RBMS3: variants seen among roughly 807,000 people sequenced by gnomAD.
RBMS3 encodes the protein RNA binding motif single stranded interacting protein 3, also known as RNA-binding motif, single-stranded-interacting protein 3.
In RBMS3, 27 loss-of-function variants were observed where a neutral mutation model predicts 66.8. That is an observed-to-expected ratio of 0.40 (90% CI 0.30 to 0.56). The LOEUF (loss-of-function observed/expected upper bound fraction) is 0.56, where lower values mean the gene tolerates loss of function less well. RBMS3 is among the 20% of genes least tolerant of loss of function. The probability of loss-of-function intolerance (pLI) is 0.40; values close to 1 mark genes in which losing one functional copy is unlikely to be tolerated. For missense variants in RBMS3, 513 were observed against 549.5 expected (o/e 0.93, Z 0.66); for synonymous variants, 188 against 183.0 (o/e 1.03, Z -0.22).
intron 6 of RBMS3, among the ~76,000 whole-genome samples, chr3:29,798,929 G>GTTTTTT (rs368923260): frequency 3.9e-5 from 5 of 127,662 alleles, no homozygotes; most frequent in African/African-American, 5.9e-5. Context: ...GTACCCTCTG[G>GTTTTTT]TTTTTTTTTT....
intron 3 of RBMS3, among the ~76,000 whole-genome samples, chr3:29,492,836 G>A (rs755207166): frequency 5.3e-5 from 8 of 152,178 alleles, no homozygotes; most frequent in Non-Finnish European, 1.2e-4. Context: ...TGCAGTGATA[G>A]TTTATAACCC....
intron 6 of RBMS3, among the ~76,000 whole-genome samples, chr3:29,825,109 C>T (rs1333224477): frequency 6.6e-6 from 1 of 150,806 alleles, no homozygotes; most frequent in Non-Finnish European, 1.5e-5. Context: ...GATCTCAGCT[C>T]ACTGTAACCT....
At chr3:29,936,880 A>C (rs2061279779) in intron 11 of RBMS3, among the ~76,000 whole-genome samples, 1 of 152,182 alleles carries the variant, frequency 6.6e-6, no homozygotes, top group Admixed American at 6.6e-5. Context: ...TTAAAAGATA[A>C]TTCCCCAAAT....
intron 6 of RBMS3, among the ~76,000 whole-genome samples, chr3:29,780,371 A>G (rs1486856909): frequency 6.6e-6 from 1 of 151,606 alleles, no homozygotes; most frequent in Non-Finnish European, 1.5e-5. Flanking sequence ...TGCTTTCTAT[A>G]TTGAGAATAT....
chr3:29,339,994 AC>A (rs2036187305), intron 1 of RBMS3, among the ~76,000 whole-genome samples: 1 of 152,130 alleles, frequency 6.6e-6, no homozygotes, highest in Non-Finnish European at 1.5e-5. Flanking sequence ...GTGCAAAAAC[AC>A]CAAGTTGGGG....
chr3:29,890,782 C>T (rs1403237169), intron 8 of RBMS3, among the ~76,000 whole-genome samples: 1 of 151,466 alleles, frequency 6.6e-6, no homozygotes, highest in African/African-American at 2.4e-5. Flanking sequence ...CACAAGAAAG[C>T]ATGATGGTGA....
At chr3:29,420,497 C>G (rs1321995117) in intron 1 of RBMS3, among the ~76,000 whole-genome samples, 1 of 152,036 alleles carries the variant, frequency 6.6e-6, no homozygotes, top group East Asian at 1.9e-4. Flanking sequence ...TTAAATTCTC[C>G]GAAATGACGT....
chr3:29,301,045 A>G (rs2033636842), intron 1 of RBMS3, among the ~76,000 whole-genome samples: 1 of 151,972 alleles, frequency 6.6e-6, no homozygotes, highest in African/African-American at 2.4e-5. Flanking sequence ...ATGACTCTAA[A>G]AATAAAGACA....
At chr3:29,569,906 G>T (rs2046887423) in intron 3 of RBMS3, among the ~76,000 whole-genome samples, 1 of 152,040 alleles carries the variant, frequency 6.6e-6, no homozygotes, top group South Asian at 2.1e-4. Flanking sequence ...GAAAGGGTTA[G>T]GCAATTGGAA....
chr3:29,429,370 C>A (rs1280237197), intron 1 of RBMS3, among the ~76,000 whole-genome samples: 1 of 152,144 alleles, frequency 6.6e-6, no homozygotes, highest in Admixed American at 6.5e-5. Context: ...AGGACATTGG[C>A]ACTGATCCTC....
chr3:29,980,627 G>T (rs1320302141), intron 12 of RBMS3, among the ~76,000 whole-genome samples: 1 of 152,070 alleles, frequency 6.6e-6, no homozygotes, highest in African/African-American at 2.4e-5. Context: ...TAAGGAGGGG[G>T]TCCAGTTTCA....
At chr3:29,493,078 T>G (rs2043610941) in intron 3 of RBMS3, among the ~76,000 whole-genome samples, 1 of 152,194 alleles carries the variant, frequency 6.6e-6, no homozygotes, top group African/African-American at 2.4e-5. Flanking sequence ...CTTTGAGCAC[T>G]CTCGTTTTCC....
Position 30,008,147 on chromosome 3 carries a change from G to A in RBMS3, c.*4285G>A, listed in dbSNP as rs1699854695. ...TAAATACCTATTTTTTTTTACAGTG[G>A]CCTAAAACCCCTATTAATGAAAAGT... On this transcript the variant is annotated 3_prime_UTR_variant, in exon 15 of 15. Transcript: ENST00000383767. The A allele has an allele frequency of 6.6e-6, 1 of 151,322 alleles. No homozygotes were observed. Among genetic ancestry groups the A allele is most frequent in the African/African-American group, 2.4e-5 (1 of 41,146 alleles). 9.4% of individuals were successfully genotyped at this position (151,322 alleles called of 1,614,324 possible).
chr3:29,776,000 T>C lies in RBMS3; in HGVS notation c.637+13011T>C, dbSNP rs79889434. On this transcript the variant is annotated intron_variant, in intron 6 of 14. Coordinates refer to ENST00000383767, the MANE Select transcript of RBMS3 (RefSeq NM_001003793.3). ...GTAATTTTATCTGAATGAATCCATG[T>C]AATAGATAAAATAATTTAAGATAAA... Among the ~76,000 whole-genome samples, 1,182 of 152,140 alleles carry C rather than the reference T, an allele frequency of 7.8e-3. 4 individuals carry two copies. Among genetic ancestry groups the C allele is most frequent in the Non-Finnish European group, 0.013 (897 of 67,956 alleles).
chr3:29,592,881 C>G (rs1447919456), intron 4 of RBMS3, among the ~76,000 whole-genome samples: 3 of 151,612 alleles, frequency 2.0e-5, no homozygotes, highest in African/African-American at 7.3e-5. Context: ...AGCTGGAAAC[C>G]ATCATTCTCA....
At chr3:29,839,390 C>A (rs953041289) in intron 6 of RBMS3, among the ~76,000 whole-genome samples, 1 of 151,978 alleles carries the variant, frequency 6.6e-6, no homozygotes, top group Non-Finnish European at 1.5e-5. Context: ...CATCTGCTGC[C>A]AATATTTTGC....
intron 6 of RBMS3, among the ~76,000 whole-genome samples, chr3:29,858,670 T>C (rs912036281): frequency 1.3e-5 from 2 of 152,238 alleles, no homozygotes; most frequent in African/African-American, 4.8e-5. Flanking sequence ...GTGAAAACTT[T>C]ATGTCCCGTC....
chr3:29,735,014 A>T (rs1238490139), intron 4 of RBMS3, among the ~76,000 whole-genome samples: 1 of 152,114 alleles, frequency 6.6e-6, no homozygotes, highest in Non-Finnish European at 1.5e-5. Flanking sequence ...ATTCCATCAA[A>T]TGTGAATGTT....
At chr3:29,998,361 A>G (rs1699390736) in intron 14 of RBMS3, among the ~76,000 whole-genome samples, 1 of 152,196 alleles carries the variant, frequency 6.6e-6, no homozygotes, top group African/African-American at 2.4e-5. Context: ...GATAGATTCA[A>G]TGCCATCCCC....
Sources: allele counts gnomAD v4.1 joint callset (sites outside exome capture counted in the v4.1 genomes callset), GRCh38; gene constraint gnomAD v4.1.1; transcripts MANE v1.5; gene names NCBI Gene and HGNC (gene_info 2026-07-23, HGNC 2026-07-21).